Variants in FRA10AC1 observed in about 807,000 individuals in gnomAD.
The protein encoded by FRA10AC1 is FRA10A associated CGG repeat 1, also known as protein FRA10AC1.
FRA10AC1 carries 43 observed loss-of-function variants against 56.5 expected under a neutral mutation model. The observed-to-expected ratio is 0.76, with a 90% confidence interval of 0.60 to 0.98. The LOEUF is 0.98. Ranked by LOEUF, FRA10AC1 falls within the 50% of genes least tolerant of loss-of-function variation. The pLI is 0.00. For synonymous variants in FRA10AC1, 112 were observed against 110.5 expected (o/e 1.01, Z -0.09); for missense variants, 346 against 351.8 (o/e 0.98, Z 0.13).
intron 8 of FRA10AC1, 162 bp from the exon 9 acceptor site, chr10:93,685,521 A>G: frequency 2.2e-6 from 1 of 459,966 alleles, no homozygotes; most frequent in South Asian, 3.4e-5. Context: ...GTATACAAGT[A>G]TCAAATCAAA....
upstream of FRA10AC1, chr10:93,702,943 G>T: frequency 2.2e-6 from 1 of 455,264 alleles, no homozygotes; most frequent in Non-Finnish European, 4.4e-6. Context: ...GCTCATCAGC[G>T]CTTCAGATCA....
At chr10:93,682,810 A>G (rs1356699178) in intron 10 of FRA10AC1, among the ~76,000 whole-genome samples, 1 of 152,180 alleles carries the variant, frequency 6.6e-6, no homozygotes, top group Non-Finnish European at 1.5e-5. Context: ...GTCTCAAAAA[A>G]ATAAAGAATA....
rs536517380 is a variant in FRA10AC1, at chr10:93,702,392, G to A, written c.-18C>T. ...TCACACACCCTTTCCCTTCCTCCCT[G>A]TGTGCCAAGTTCGCCCCCGGAGTCG... is the stretch of plus-strand genomic sequence containing the variant. On this transcript the variant is annotated 5_prime_UTR_variant, in exon 1 of 14. Transcript: ENST00000359204. 6.2e-6 allele frequency: 1 copy of A among 162,190 alleles called. No homozygotes were observed. Among genetic ancestry groups the A allele is most frequent in the African/African-American group, 2.4e-5 (1 of 41,442 alleles). 10.0% of individuals were successfully genotyped at this position (162,190 alleles called of 1,614,324 possible).
intron 7 of FRA10AC1, 43 bp from the exon 8 acceptor site, chr10:93,687,492 T>C: frequency 7.0e-7 from 1 of 1,434,242 alleles, no homozygotes; most frequent in Non-Finnish European, 9.4e-7. Flanking sequence ...TAAATTTAAA[T>C]TATACAGAAA....
At position 93,693,480 on chromosome 10, in the gene FRA10AC1, GTGTA is replaced by G. The variant is rs1178748269; in HGVS notation, c.297-755_297-752del. On this transcript the variant is annotated intron_variant, in intron 5 of 13. Coordinates refer to ENST00000359204, the MANE Select transcript of FRA10AC1 (RefSeq NM_145246.5). ...AGTGGATAAAGAAAATGTGGTGTGT[GTGTA>G]TATATATATATATATATATATATAC... is the stretch of plus-strand genomic sequence containing the variant. Among the ~76,000 whole-genome samples the G allele has an allele frequency of 2.5e-3, 50 of 19,750 alleles. 1 individual carries two copies. The highest frequency in any genetic ancestry group is 3.4e-3 in the African/African-American group (39 of 11,376). The allele number at this position is 19,750 out of a possible 152,430, so 13.0% of individuals were successfully genotyped here. A position where few individuals can be genotyped will look rare whatever the true frequency, so the allele number is the denominator to read the frequency against.
rs186174296 is a variant in FRA10AC1 at position 93,669,685 on chromosome 10, G to A, written c.*141C>T. On this transcript the variant is annotated 3_prime_UTR_variant, in exon 14 of 14. Transcript: ENST00000359204. ...ACTTCCAAAGCCTCTGACATTCTGA[G>A]AGAACCTGGATTTTTATTTCCAAAG... The A allele has an allele frequency of 2.3e-4, 149 of 634,874 alleles. No homozygotes were observed. In the African/African-American group the frequency reaches 2.6e-3, roughly 11 times the overall value. 39.3% of individuals were successfully genotyped at this position (634,874 alleles called of 1,614,324 possible).
intron 12 of FRA10AC1, chr10:93,672,054 T>A (rs1589712436): frequency 2.2e-6 from 1 of 451,166 alleles, no homozygotes; most frequent in Non-Finnish European, 4.4e-6. Flanking sequence ...AGTAGTTACA[T>A]TAGCAGACAA....
At chr10:93,690,616 G>GA in intron 7 of FRA10AC1, among the ~76,000 whole-genome samples, 1 of 151,280 alleles carries the variant, frequency 6.6e-6, no homozygotes, top group Middle Eastern at 3.4e-3. Flanking sequence ...AAAAATAAAT[G>GA]AAAAAAAGAA....
chr10:93,693,473 G>GGT (rs201961056), intron 5 of FRA10AC1, among the ~76,000 whole-genome samples: 32 of 118,720 alleles, frequency 2.7e-4, no homozygotes, highest in African/African-American at 7.3e-4. Flanking sequence ...AAGAAAATGT[G>GGT]GTGTGTGTGT....
At position 93,668,245 on chromosome 10, in the gene FRA10AC1, T is replaced by A. The variant is rs1388545464; in HGVS notation, c.*1581A>T. 2 of 152,220 alleles carry A rather than the reference T, an allele frequency of 1.3e-5. No homozygotes were observed. The highest frequency in any genetic ancestry group is 6.5e-5 in the Admixed American group (1 of 15,278). The allele number at this position is 152,220 out of a possible 1,614,324, so 9.4% of individuals were successfully genotyped here. On this transcript the variant is annotated 3_prime_UTR_variant, in exon 14 of 14. Coordinates refer to ENST00000359204, the MANE Select transcript of FRA10AC1 (RefSeq NM_145246.5). Reference sequence around the variant, plus strand: ...TTGCTTATGTTCAGTTCATTTTCTATATGTCCTTTCTCTTATTCATCAAGT... The same window carrying A: ...TTGCTTATGTTCAGTTCATTTTCTAAATGTCCTTTCTCTTATTCATCAAGT...
chr10:93,678,282 C>A (rs2058876975), intron 11 of FRA10AC1, among the ~76,000 whole-genome samples: 1 of 152,182 alleles, frequency 6.6e-6, no homozygotes, highest in Non-Finnish European at 1.5e-5. Context: ...ATATCTTGTT[C>A]TCCTCATACC....
intron 12 of FRA10AC1, chr10:93,672,241 T>A (rs191017582): frequency 5.2e-5 from 13 of 251,902 alleles, no homozygotes; most frequent in Admixed American, 5.8e-5. Context: ...GTGTCTGAAC[T>A]TTGCTCCTAA....
intron 11 of FRA10AC1, among the ~76,000 whole-genome samples, chr10:93,679,239 T>C (rs939904981): frequency 6.6e-5 from 10 of 152,210 alleles, no homozygotes; most frequent in Non-Finnish European, 1.5e-5. Flanking sequence ...CCCTGAAGAA[T>C]CTTCAAAGTC....
In FRA10AC1 at chr10:93,698,190, A is replaced by T; in HGVS notation, c.174-9T>A. ...TATTTCTTGCTTCTTCCCTGTTAAA[A>T]CAAATTTTTTTAAGAAAATTCAAAA... On this transcript the variant is annotated splice_polypyrimidine_tract_variant and intron_variant, in intron 3 of 13. Coordinates refer to ENST00000359204, the MANE Select transcript of FRA10AC1 (RefSeq NM_145246.5). 1 of 1,576,220 alleles carries T rather than the reference A, an allele frequency of 6.3e-7. No individual in the cohort carries two copies. The highest frequency in any genetic ancestry group is 8.7e-7 in the Non-Finnish European group (1 of 1,154,514).
chr10:93,694,759 G>C, intron 5 of FRA10AC1, 102 bp downstream of exon 5: 1 of 368,970 alleles, frequency 2.7e-6, no homozygotes, highest in Non-Finnish European at 5.0e-6. Flanking sequence ...CACCGGAATA[G>C]AAAGCAGGGA....
chr10:93,694,282 G>A (rs966564627), intron 5 of FRA10AC1, among the ~76,000 whole-genome samples: 1 of 152,004 alleles, frequency 6.6e-6, no homozygotes, highest in African/African-American at 2.4e-5. Flanking sequence ...AGACACATGA[G>A]TATTCTTCAG....
chr10:93,681,636 C>A, intron 10 of FRA10AC1, 38 bp from the exon 11 acceptor site: 3 of 1,424,024 alleles, frequency 2.1e-6, no homozygotes, highest in Non-Finnish European at 9.2e-7. Context: ...GTTAACTTTT[C>A]CAACTGACCT....
intron 4 of FRA10AC1, among the ~76,000 whole-genome samples, chr10:93,697,252 G>A (rs993623289): frequency 2.0e-5 from 3 of 152,144 alleles, no homozygotes; most frequent in African/African-American, 7.2e-5. Context: ...CAGAGCAAAT[G>A]TTTAAATGCT....
chr10:93,698,062 G>T, intron 4 of FRA10AC1, 74 bp downstream of exon 4: 1 of 849,568 alleles, frequency 1.2e-6, no homozygotes, highest in South Asian at 2.3e-5. Context: ...GACTTCACAA[G>T]ATTTTATAAA....
Sources: allele counts gnomAD v4.1 joint callset (sites outside exome capture counted in the v4.1 genomes callset), GRCh38; gene constraint gnomAD v4.1.1; transcripts MANE v1.5; gene names NCBI Gene and HGNC (gene_info 2026-07-23, HGNC 2026-07-21).